C7orf57: variants seen among roughly 807,000 people sequenced by gnomAD.
The protein encoded by C7orf57 is chromosome 7 open reading frame 57, also known as uncharacterized protein C7orf57.
C7orf57 carries 33 observed loss-of-function variants against 39.0 expected under a neutral mutation model. That is an observed-to-expected ratio of 0.85 (90% CI 0.64 to 1.13). C7orf57 has a LOEUF of 1.13. C7orf57 is among the 50% of genes most tolerant of loss of function. The pLI is 0.00. For missense variants in C7orf57, 346 were observed against 362.3 expected (o/e 0.95, Z 0.37); for synonymous variants, 124 against 137.1 (o/e 0.90, Z 0.67).
chr7:48,053,111 T>G, intron 7 of C7orf57, 188 bp downstream of exon 7: 1 of 697,118 alleles, frequency 1.4e-6, no homozygotes, highest in South Asian at 1.5e-5. Context: ...TCTTTCCTCT[T>G]TATTCAAATG....
Position 48,060,868 on chromosome 7 carries a change from T to C in C7orf57, c.*596T>C, listed in dbSNP as rs1333933080. ...TTCAAAATATTAAACATTTGTTATT[T>C]TGTATAAACCTTTAAGTAAAAATAT... On this transcript the variant is annotated 3_prime_UTR_variant, in exon 9 of 9. Coordinates refer to ENST00000348904, the MANE Select transcript of C7orf57 (RefSeq NM_001100159.3). 1.3e-5 allele frequency: 2 copies of C among 152,186 alleles called. No homozygotes were observed. Among genetic ancestry groups the C allele is most frequent in the Admixed American group, 6.5e-5 (1 of 15,272 alleles). 9.4% of individuals were successfully genotyped at this position (152,186 alleles called of 1,614,324 possible).
rs150041609 is a variant in C7orf57, at chr7:48,046,640, G to A, written c.507+24G>A. On this transcript the variant is annotated intron_variant, in intron 5 of 8. Transcript: ENST00000348904. Reference sequence around the variant, plus strand: ...AGGTGACGGGAGCCCATAAATAGACGGCATCCGCATCCGCTTTGCTTCTGT... The same window carrying A: ...AGGTGACGGGAGCCCATAAATAGACAGCATCCGCATCCGCTTTGCTTCTGT... 2.2e-3 allele frequency: 3,487 copies of A among 1,602,064 alleles called. 63 individuals are homozygous for A. The African/African-American group carries it at 0.039, about 18-fold the overall frequency.
chr7:48,051,874 TTTC>T lies in C7orf57; in HGVS notation c.606-824_606-822del, dbSNP rs1562630425. On this transcript the variant is annotated intron_variant, in intron 6 of 8. Coordinates refer to ENST00000348904, the MANE Select transcript of C7orf57 (RefSeq NM_001100159.3). The stretch of plus-strand genomic sequence containing the variant: ...TTCTTTCTTTCTTTCTTTCTTTCTC[TTTC>T]TCTTTCTTTCTTTCCTTCCTTCCTT... Among the ~76,000 whole-genome samples, 196 of 86,552 alleles carry T rather than the reference TTTC, an allele frequency of 2.3e-3. 8 individuals are homozygous for T. The highest frequency in any genetic ancestry group is 2.8e-3 in the Non-Finnish European group (105 of 37,466). The allele number at this position is 86,552 out of a possible 152,430, so 56.8% of individuals were successfully genotyped here. A position where few individuals can be genotyped will look rare whatever the true frequency, so the allele number is the denominator to read the frequency against.
chr7:48,036,089 C>G (rs1790347485), intron 1 of C7orf57, 119 bp from the exon 2 acceptor site: 1 of 614,272 alleles, frequency 1.6e-6, no homozygotes, highest in African/African-American at 1.8e-5. Context: ...TGGACATGCC[C>G]CCTGCTGTAT....
intron 7 of C7orf57, 115 bp from the exon 8 acceptor site, chr7:48,054,480 C>A: frequency 4.8e-5 from 29 of 608,062 alleles, no homozygotes; most frequent in East Asian, 8.6e-5. Context: ...TGTTTTATGA[C>A]TTATTGTTGT....
intron 2 of C7orf57, 101 bp downstream of exon 2, chr7:48,036,464 G>C (rs760627419): frequency 4.3e-6 from 5 of 1,159,370 alleles, no homozygotes; most frequent in Non-Finnish European, 6.0e-6. Context: ...TGGGCTGGAG[G>C]GGGGTGTGAA....
rs1554299663 is a variant in C7orf57, at chr7:48,051,758, C to CT, written c.606-939dup. Reference sequence around the variant, plus strand: ...TCTTTTCTTTCTTTTTCTTTTCTTTCTTTCTTTCTTTCTTTCTTTCTTTCT... The same window carrying CT: ...TCTTTTCTTTCTTTTTCTTTTCTTTCTTTTCTTTCTTTCTTTCTTTCTTTCT... On this transcript the variant is annotated intron_variant, in intron 6 of 8. Coordinates refer to ENST00000348904, the MANE Select transcript of C7orf57 (RefSeq NM_001100159.3). 8.6e-3 allele frequency among the ~76,000 whole-genome samples: 192 copies of CT among 22,376 alleles called. 14 individuals are homozygous for CT. The highest frequency in any genetic ancestry group is 0.015 in the Non-Finnish European group (123 of 7,994). The allele number at this position is 22,376 out of a possible 152,430, so 14.7% of individuals were successfully genotyped here. A position where few individuals can be genotyped will look rare whatever the true frequency, so the allele number is the denominator to read the frequency against.
rs35734951 is a variant in C7orf57 at position 48,035,581 on chromosome 7, T to TC, written c.-149dup. On this transcript the variant is annotated 5_prime_UTR_variant, in exon 1 of 9. Coordinates refer to ENST00000348904, the MANE Select transcript of C7orf57 (RefSeq NM_001100159.3). The surrounding 1 kb of genome is among the most constrained non-coding windows in gnomAD (Gnocchi z 4.0). ...TGCAGCCAGCCAGCCGTGTAAAAAC[T>TC]CCAACGCCGGGCGCCGCGGGCAGCA... 4.3e-6 allele frequency: 3 copies of TC among 696,284 alleles called. No homozygotes were observed. Among genetic ancestry groups the TC allele is most frequent in the Non-Finnish European group, 5.2e-6 (2 of 382,392 alleles). 43.1% of individuals were successfully genotyped at this position (696,284 alleles called of 1,614,324 possible).
chr7:48,038,033 G>A (rs1474717012), intron 2 of C7orf57, among the ~76,000 whole-genome samples: 2 of 152,066 alleles, frequency 1.3e-5, no homozygotes, highest in East Asian at 1.9e-4. Flanking sequence ...GAATATGATC[G>A]GAGTATGAAG....
chr7:48,047,991 T>C (rs899396149), intron 5 of C7orf57, among the ~76,000 whole-genome samples: 1 of 152,248 alleles, frequency 6.6e-6, no homozygotes, highest in Non-Finnish European at 1.5e-5. Context: ...CTACAGCTCA[T>C]TTCTACAGAA....
intron 6 of C7orf57, among the ~76,000 whole-genome samples, chr7:48,051,699 T>G (rs1289104941): frequency 7.6e-6 from 1 of 131,924 alleles, no homozygotes; most frequent in Non-Finnish European, 1.7e-5. Context: ...CTTTCTTTCT[T>G]TCTCTCTCTC....
intron 8 of C7orf57, among the ~76,000 whole-genome samples, chr7:48,055,149 T>A (rs1791082129): frequency 6.6e-6 from 1 of 152,214 alleles, no homozygotes; most frequent in East Asian, 1.9e-4. Context: ...GTGCTGAGAT[T>A]ACAGGCGTGA....
chr7:48,052,287 T>C (rs1221687074), intron 6 of C7orf57, among the ~76,000 whole-genome samples: 4 of 152,200 alleles, frequency 2.6e-5, no homozygotes, highest in Non-Finnish European at 5.9e-5. Context: ...TGTTGTTTTT[T>C]GTTTTGTTTT....
intron 2 of C7orf57, among the ~76,000 whole-genome samples, chr7:48,037,696 C>G (rs998915033): frequency 6.6e-6 from 1 of 151,804 alleles, no homozygotes; most frequent in Non-Finnish European, 1.5e-5. Flanking sequence ...GTACAAGTGC[C>G]AACAATTTTT....
chr7:48,036,301 G>C lies in C7orf57; in HGVS notation c.-8G>C. On this transcript the variant is annotated 5_prime_UTR_variant, in exon 2 of 9. Transcript: ENST00000348904. ...TCTGTCTTTTCCCGCAGCGTGCAGC[G>C]CCTGACCATGAGGAACACAAGCAAG... 3 of 1,581,098 alleles carry C rather than the reference G, an allele frequency of 1.9e-6. No individual in the cohort carries two copies. Among genetic ancestry groups the C allele is most frequent in the Non-Finnish European group, 2.6e-6 (3 of 1,163,862 alleles).
intron 7 of C7orf57, chr7:48,053,195 A>T: frequency 1.9e-6 from 1 of 539,298 alleles, no homozygotes; most frequent in South Asian, 1.7e-5. Flanking sequence ...TCCATTTGAT[A>T]TAACAAACAA....
At chr7:48,042,063 T>C (rs1446697002) in intron 3 of C7orf57, among the ~76,000 whole-genome samples, 1 of 152,230 alleles carries the variant, frequency 6.6e-6, no homozygotes, top group African/African-American at 2.4e-5. Context: ...TTGAGCTCAA[T>C]AGAAATTACT....
At chr7:48,049,257 G>T (rs1396161434) in intron 5 of C7orf57, among the ~76,000 whole-genome samples, 2 of 152,174 alleles carry the variant, frequency 1.3e-5, no homozygotes, top group Non-Finnish European at 2.9e-5. Flanking sequence ...TGACTGCCAC[G>T]CCGCATTTCG....
At position 48,046,626 on chromosome 7, in the gene C7orf57, G is replaced by A; in HGVS notation, c.507+10G>A. The A allele has an allele frequency of 1.9e-6, 3 of 1,608,848 alleles. No individual in the cohort carries two copies. Among genetic ancestry groups the A allele is most frequent in the East Asian group, 2.2e-5 (1 of 44,760 alleles). On this transcript the variant is annotated intron_variant, in intron 5 of 8. Coordinates refer to ENST00000348904, the MANE Select transcript of C7orf57 (RefSeq NM_001100159.3). ...AAAGGAGAAAAAAAAGGTGACGGGA[G>A]CCCATAAATAGACGGCATCCGCATC... is the stretch of plus-strand genomic sequence containing the variant.
Sources: gnomAD v4.1 joint callset for allele counts (sites outside exome capture counted in the v4.1 genomes callset) on GRCh38, gnomAD v4.1.1 for gene constraint, Gnocchi (gnomAD v3.1) non-coding constraint, MANE v1.5 for transcripts, NCBI Gene and HGNC (gene_info 2026-07-23, HGNC 2026-07-21) for gene names.